Variants in ZCCHC17 observed in about 807,000 individuals in gnomAD.
ZCCHC17 encodes the protein zinc finger CCHC domain-containing protein 17.
In ZCCHC17, 18 loss-of-function variants were observed where a neutral mutation model predicts 30.6. The observed-to-expected ratio is 0.59, with a 90% confidence interval of 0.41 to 0.87. The LOEUF (loss-of-function observed/expected upper bound fraction) is 0.87, where lower values mean the gene tolerates loss of function less well. Ranked by LOEUF, ZCCHC17 falls within the 40% of genes least tolerant of loss-of-function variation. ZCCHC17 has a pLI of 0.00. For synonymous variants in ZCCHC17, 88 were observed against 92.4 expected (o/e 0.95, Z 0.27); for missense variants, 263 against 284.2 (o/e 0.93, Z 0.54).
At chr1:31,312,997 C>T (rs1200206470) in intron 2 of ZCCHC17, among the ~76,000 whole-genome samples, 3 of 151,632 alleles carry the variant, frequency 2.0e-5, no homozygotes, top group African/African-American at 7.3e-5. Context: ...AGTCTCCTGA[C>T]CTCAGGTGAT....
At chr1:31,299,758 C>T (rs1646263136) in intron 1 of ZCCHC17, among the ~76,000 whole-genome samples, 1 of 152,136 alleles carries the variant, frequency 6.6e-6, no homozygotes, top group Non-Finnish European at 1.5e-5. Flanking sequence ...GTTCTGTTGT[C>T]TGCAACTGTC....
chr1:31,299,871 T>C (rs1646265925), intron 1 of ZCCHC17, among the ~76,000 whole-genome samples: 1 of 152,008 alleles, frequency 6.6e-6, no homozygotes, highest in South Asian at 2.1e-4. Context: ...CTAAGCTGGA[T>C]TGGAAGAAAA....
At chr1:31,312,231 A>AT (rs1646622707) in intron 2 of ZCCHC17, among the ~76,000 whole-genome samples, 1 of 152,010 alleles carries the variant, frequency 6.6e-6, no homozygotes, top group Non-Finnish European at 1.5e-5. Context: ...TCTCCTCAGA[A>AT]TTTTTTTTAC....
rs1356024791 is a variant in ZCCHC17 at position 31,349,110 on chromosome 1, A to T, written c.564+136A>T. 5 of 1,044,236 alleles carry T rather than the reference A, an allele frequency of 4.8e-6. No individual in the cohort carries two copies. In the East Asian group the frequency reaches 1.4e-4, roughly 29 times the overall value. 64.7% of individuals were successfully genotyped at this position (1,044,236 alleles called of 1,614,324 possible). A position where few individuals can be genotyped will look rare whatever the true frequency, so the allele number is the denominator to read the frequency against. On this transcript the variant is annotated intron_variant, in intron 7 of 7. Transcript: ENST00000344147. ...TAAGGTGGGAGGATTGCTCGAGGCC[A>T]GAAGTTTAAGGCTGCGGTGCGCTAT...
At chr1:31,324,583 C>G (rs1299177156) in intron 3 of ZCCHC17, among the ~76,000 whole-genome samples, 2 of 152,278 alleles carry the variant, frequency 1.3e-5, no homozygotes, top group Non-Finnish European at 2.9e-5. Context: ...CTCCCGGCTC[C>G]TGCTCTGATT....
intron 2 of ZCCHC17, among the ~76,000 whole-genome samples, chr1:31,317,147 C>T (rs1310868189): frequency 6.6e-6 from 1 of 151,320 alleles, no homozygotes; most frequent in South Asian, 2.1e-4. Flanking sequence ...GTCTCAGCCT[C>T]CCGAGTAGCT....
intron 6 of ZCCHC17, among the ~76,000 whole-genome samples, chr1:31,348,413 A>G (rs1639351358): frequency 6.6e-6 from 1 of 152,178 alleles, no homozygotes; most frequent in African/African-American, 2.4e-5. Flanking sequence ...AGCTACCTAC[A>G]AGCTATATTC....
intron 1 of ZCCHC17, among the ~76,000 whole-genome samples, chr1:31,308,999 A>G (rs929305014): frequency 5.9e-5 from 9 of 152,246 alleles, no homozygotes; most frequent in African/African-American, 2.2e-4. Flanking sequence ...CTGTAAGAAT[A>G]TAGATCAAAT....
chr1:31,364,384 T>A lies in ZCCHC17; in HGVS notation c.*191T>A, dbSNP rs1395488996. 2 of 1,004,344 alleles carry A rather than the reference T, an allele frequency of 2.0e-6. No homozygotes were observed. Among genetic ancestry groups the A allele is most frequent in the African/African-American group, 3.3e-5 (2 of 61,308 alleles). The allele number at this position is 1,004,344 out of a possible 1,614,324, so 62.2% of individuals were successfully genotyped here. On this transcript the variant is annotated 3_prime_UTR_variant, in exon 8 of 8. Coordinates refer to ENST00000344147, the MANE Select transcript of ZCCHC17 (RefSeq NM_016505.4). Reference sequence around the variant, plus strand: ...GTCAAAAGCAGCTGCCTGAATGAGTTGTTGTTTCCTTATCACTCCTGGTCC... The same window carrying A: ...GTCAAAAGCAGCTGCCTGAATGAGTAGTTGTTTCCTTATCACTCCTGGTCC...
chr1:31,303,472 A>G (rs1646369083), intron 1 of ZCCHC17, among the ~76,000 whole-genome samples: 2 of 152,224 alleles, frequency 1.3e-5, no homozygotes, highest in African/African-American at 4.8e-5. Context: ...AATCCAAACA[A>G]GCTGGAAAAT....
rs150217213 is a variant in ZCCHC17, at chr1:31,312,518, A to T, written c.66+2354A>T. On this transcript the variant is annotated intron_variant, in intron 2 of 7. Coordinates refer to ENST00000344147, the MANE Select transcript of ZCCHC17 (RefSeq NM_016505.4). ...CTAGTCCCAGCTCTTTTTGCTTGCTATGTGAGCCTTTAGGGTGTCACTTAA... is the reference window on the plus strand; with the variant it reads ...CTAGTCCCAGCTCTTTTTGCTTGCTTTGTGAGCCTTTAGGGTGTCACTTAA... Among the ~76,000 whole-genome samples, 38 of 152,118 alleles carry T rather than the reference A, an allele frequency of 2.5e-4. No homozygotes were observed. The East Asian group carries it at 6.6e-3, about 26-fold the overall frequency.
intron 7 of ZCCHC17, among the ~76,000 whole-genome samples, chr1:31,359,983 CTT>C (rs10711140): frequency 1.9e-4 from 28 of 145,192 alleles, no homozygotes; most frequent in African/African-American, 2.0e-4. Context: ...GAACTACAAC[CTT>C]TTTTTTTTTT....
intron 7 of ZCCHC17, among the ~76,000 whole-genome samples, chr1:31,355,299 A>G (rs1639605930): frequency 6.6e-6 from 1 of 151,944 alleles, no homozygotes; most frequent in Non-Finnish European, 1.5e-5. Context: ...GATGCCCACT[A>G]TTTCTACCAA....
intron 3 of ZCCHC17, among the ~76,000 whole-genome samples, chr1:31,323,616 C>T (rs982510355): frequency 1.4e-4 from 22 of 152,198 alleles, no homozygotes; most frequent in Admixed American, 3.3e-4. Context: ...CCACCGAGCC[C>T]GGCCTAGACC....
chr1:31,346,235 C>T (rs2148466230), intron 5 of ZCCHC17, among the ~76,000 whole-genome samples: 1 of 152,202 alleles, frequency 6.6e-6, no homozygotes, highest in East Asian at 1.9e-4. Flanking sequence ...TTGGCCAGAG[C>T]ATATTGTGTG....
intron 1 of ZCCHC17, 29 bp from the exon 2 acceptor site, chr1:31,310,015 C>G: frequency 3.8e-6 from 5 of 1,330,052 alleles, no homozygotes; most frequent in Non-Finnish European, 5.4e-6. Flanking sequence ...AGATATCTCT[C>G]TAATTGGTGT....
intron 2 of ZCCHC17, among the ~76,000 whole-genome samples, chr1:31,310,575 T>C (rs1316647753): frequency 6.6e-6 from 1 of 152,222 alleles, no homozygotes; most frequent in Non-Finnish European, 1.5e-5. Context: ...GCTGTGAGTT[T>C]GATCTCTTTC....
At chr1:31,319,451 T>A (rs1292015483) in intron 3 of ZCCHC17, among the ~76,000 whole-genome samples, 10 of 152,150 alleles carry the variant, frequency 6.6e-5, no homozygotes, top group Non-Finnish European at 1.2e-4. Context: ...CTTGACTTCT[T>A]TAGACACAGG....
At chr1:31,347,441 G>T (rs1294899159) in intron 6 of ZCCHC17, among the ~76,000 whole-genome samples, 1 of 152,052 alleles carries the variant, frequency 6.6e-6, no homozygotes, top group African/African-American at 2.4e-5. Flanking sequence ...TTGAAGTTGT[G>T]GGGTTTTAAG....
Sources: allele counts gnomAD v4.1 joint callset (sites outside exome capture counted in the v4.1 genomes callset), GRCh38; gene constraint gnomAD v4.1.1; transcripts MANE v1.5; gene names NCBI Gene and HGNC (gene_info 2026-07-23, HGNC 2026-07-21).